Variants in FSCN2 observed in about 807,000 individuals in gnomAD.
FSCN2 encodes fascin actin-bundling protein 2, retinal, also known as fascin-2.
FSCN2 carries 46 observed loss-of-function variants against 37.8 expected under a neutral mutation model. That is an observed-to-expected ratio of 1.22 (90% CI 0.96 to 1.56). The LOEUF (loss-of-function observed/expected upper bound fraction) is 1.56. FSCN2 is among the 40% of genes most tolerant of loss of function. The pLI is 0.00. For missense variants in FSCN2, 844 were observed against 730.4 expected (o/e 1.16, Z -1.79); for synonymous variants, 351 against 309.4 (o/e 1.13, Z -1.41).
Position 81,537,074 on chromosome 17 carries a change from G to A in FSCN2, c.1473G>A (p.Glu491=), listed in dbSNP as rs2143910484. 4 of 1,446,632 alleles carry A rather than the reference G, an allele frequency of 2.8e-6. No homozygotes were observed. The South Asian group carries it at 5.5e-5, about 20-fold the overall frequency. 89.6% of individuals were successfully genotyped at this position (1,446,632 alleles called of 1,614,324 possible). Residue 491 remains glutamate, a synonymous_variant, in exon 5 of 5, where the codon GAG becomes GAA. Coordinates refer to ENST00000417245, the MANE Select transcript of FSCN2 (RefSeq NM_012418.4). ...ADAPAGTALW[E]Y ...CCCCGGCCGGGACCGCGCTTTGGGAGTACTGAGGCCGCGCCCAGACCAGCC... is the reference window on the plus strand; with the variant it reads ...CCCCGGCCGGGACCGCGCTTTGGGAATACTGAGGCCGCGCCCAGACCAGCC...
At chr17:81,521,117 G>A in the FSCN2 span, among the ~76,000 whole-genome samples, 1 of 152,022 alleles carries the variant, frequency 6.6e-6, no homozygotes, top group Admixed American at 6.6e-5. Context: ...GCCCAGGCTG[G>A]AGTGCAATGG....
chr17:81,519,074 G>T, the FSCN2 span: 1 of 152,254 alleles, frequency 6.6e-6, no homozygotes, highest in African/African-American at 2.4e-5. Flanking sequence ...CGGGAAGCTG[G>T]GACTTGAGCT....
At chr17:81,526,115 CT>C (rs1216419647), upstream of FSCN2, among the ~76,000 whole-genome samples, 1 of 152,240 alleles carries the variant, frequency 6.6e-6, no homozygotes, top group Non-Finnish European at 1.5e-5. Context: ...AGGCTTCCCC[CT>C]GCTGAGCACC....
intron 1 of FSCN2, chr17:81,530,620 C>T (rs1555671119): frequency 1.9e-6 from 1 of 515,378 alleles, no homozygotes; most frequent in Admixed American, 2.0e-5. Flanking sequence ...GAGAGCTCCC[C>T]TGTCTCCTGG....
chr17:81,535,881 A>C (rs1233734760), intron 2 of FSCN2, among the ~76,000 whole-genome samples: 1 of 96,474 alleles, frequency 1.0e-5, no homozygotes. Context: ...CCCCATCCCC[A>C]TCTCCATCTT....
upstream of FSCN2, chr17:81,528,369 C>CGCGGGTCAGAG (rs570523553): frequency 1.7e-6 from 1 of 605,898 alleles, no homozygotes; most frequent in Non-Finnish European, 2.9e-6. Flanking sequence ...AGGCTGCTGC[C>CGCGGGTCAGAG]GCGGGTCAGA....
the FSCN2 span, among the ~76,000 whole-genome samples, chr17:81,521,866 A>G: frequency 6.6e-6 from 1 of 152,236 alleles, no homozygotes; most frequent in Admixed American, 6.5e-5. Context: ...CAACATCAGT[A>G]TCACACTGTT....
At chr17:81,518,383 GCCCC>G in the FSCN2 span, among the ~76,000 whole-genome samples, 4 of 152,048 alleles carry the variant, frequency 2.6e-5, no homozygotes, top group African/African-American at 9.7e-5. Flanking sequence ...ACCTGGCATA[GCCCC>G]TGTACCTGGC....
Position 81,530,215 on chromosome 17 carries a change from G to A in FSCN2, c.826+858G>A, listed in dbSNP as rs1296238034. On this transcript the variant is annotated intron_variant, in intron 1 of 4. Coordinates refer to ENST00000417245, the MANE Select transcript of FSCN2 (RefSeq NM_012418.4). ...CCACGTGCCTGACCAGTGGAGCCTC[G>A]TGTCCTCAGGAGTGGGGGGGCTTAA... The A allele has an allele frequency of 1.8e-5, 5 of 272,164 alleles. 1 individual carries two copies. The highest frequency in any genetic ancestry group is 5.0e-5 in the Admixed American group (1 of 19,924). The allele number at this position is 272,164 out of a possible 1,614,324, so 16.9% of individuals were successfully genotyped here.
In FSCN2 at chr17:81,528,821, A is replaced by G. The variant is rs1555670619; in HGVS notation, c.290A>G (p.Asp97Gly). The part of the protein sequence containing the change: ...DCRFLVLPQP[D>G]GRWVLRSEPH... ...CGCTTCCTGGTCCTGCCGCAGCCAG[A>G]TGGGCGCTGGGTGCTGCGGTCCGAG... Residue 97 changes from aspartate (D) to glycine (G), a missense_variant, in exon 1 of 5, where the codon GAT becomes GGT. Asp to Gly is a moderately conservative substitution (Grantham distance 94, BLOSUM62 -1). Transcript: ENST00000417245. The G allele has an allele frequency of 1.3e-6, 2 of 1,559,926 alleles. No homozygotes were observed. Among genetic ancestry groups the G allele is most frequent in the Non-Finnish European group, 1.7e-6 (2 of 1,154,300 alleles).
rs1326159367 is a variant in FSCN2 at position 81,528,857 on chromosome 17, G to A, written c.326G>A (p.Arg109His). 22 of 1,558,778 alleles carry A rather than the reference G, an allele frequency of 1.4e-5. No individual in the cohort carries two copies. The highest frequency in any genetic ancestry group is 7.2e-5 in the East Asian group (3 of 41,810). Residue 109 changes from arginine (R) to histidine (H), a missense_variant, in exon 1 of 5, where the codon CGC becomes CAC. Coordinates refer to ENST00000417245, the MANE Select transcript of FSCN2 (RefSeq NM_012418.4). ...GTGCTGCGGTCCGAGCCGCACGGCCGCTTCTTCGGAGGCACCGAGGACCAG... is the reference window on the plus strand; with the variant it reads ...GTGCTGCGGTCCGAGCCGCACGGCCACTTCTTCGGAGGCACCGAGGACCAG... ...RWVLRSEPHG[R>H]FFGGTEDQLS...
At chr17:81,524,986 G>A (rs1040519540), upstream of FSCN2, among the ~76,000 whole-genome samples, 2 of 151,550 alleles carry the variant, frequency 1.3e-5, no homozygotes, top group African/African-American at 4.9e-5. Flanking sequence ...ACAAGAACCC[G>A]GCCCTGTGCT....
chr17:81,532,503 ATGATAATGGTGACGATGG>A lies in FSCN2; in HGVS notation c.827-2544_827-2527del, dbSNP rs1489617696. Among the ~76,000 whole-genome samples the A allele has an allele frequency of 8.4e-4, 79 of 94,028 alleles. 1 individual carries two copies. In the South Asian group the frequency reaches 0.016, roughly 20 times the overall value. 61.7% of individuals were successfully genotyped at this position (94,028 alleles called of 152,430 possible). A position where few individuals can be genotyped will look rare whatever the true frequency, so the allele number is the denominator to read the frequency against. On this transcript the variant is annotated intron_variant, in intron 1 of 4. Transcript: ENST00000417245. Reference sequence around the variant, plus strand: ...GATGATAGTGATGGTGATGATGGTGATGATAATGGTGACGATGGTGATGATGATGATAGTGATGGTGGT... The same window carrying A: ...GATGATAGTGATGGTGATGATGGTGATGATGATGATGATAGTGATGGTGGT...
At chr17:81,520,363 T>TG in the FSCN2 span, among the ~76,000 whole-genome samples, 1 of 152,186 alleles carries the variant, frequency 6.6e-6, no homozygotes, top group Non-Finnish European at 1.5e-5. Flanking sequence ...TGTGTCCACT[T>TG]GGTCTGTGGG....
intron 1 of FSCN2, chr17:81,530,712 C>T (rs782709743): frequency 6.5e-6 from 3 of 459,490 alleles, no homozygotes; most frequent in South Asian, 4.7e-5. Flanking sequence ...GGCCAGATGG[C>T]AGAGGCCCCA....
chr17:81,532,329 G>A (rs1335149293), intron 1 of FSCN2, among the ~76,000 whole-genome samples: 2 of 128,528 alleles, frequency 1.6e-5, no homozygotes, highest in African/African-American at 2.9e-5. Flanking sequence ...GGTGATGATA[G>A]TGATGGTGAT....
At chr17:81,529,583 G>A (rs1457709121) in intron 1 of FSCN2, 1 of 753,170 alleles carries the variant, frequency 1.3e-6, no homozygotes, top group African/African-American at 1.7e-5. Flanking sequence ...TTCAGGGTCA[G>A]AGGCAAGGGT....
the FSCN2 span, among the ~76,000 whole-genome samples, chr17:81,517,890 C>T: frequency 1.3e-5 from 2 of 152,010 alleles, no homozygotes; most frequent in Non-Finnish European, 2.9e-5. Context: ...GAGATGAAAC[C>T]GAGGAGCCCC....
At chr17:81,536,571 G>A (rs775681615) in intron 3 of FSCN2, 51 bp from the exon 4 acceptor site, 1 of 1,600,990 alleles carries the variant, frequency 6.2e-7, no homozygotes, top group Non-Finnish European at 8.5e-7. Flanking sequence ...CGCCCGGCCT[G>A]GACAGGGAAG....
Sources: gnomAD v4.1 joint callset for allele counts (sites outside exome capture counted in the v4.1 genomes callset) on GRCh38, gnomAD v4.1.1 for gene constraint, MANE v1.5 for transcripts, NCBI Gene and HGNC (gene_info 2026-07-23, HGNC 2026-07-21) for gene names.